The following PPFIA2 variants were observed in gnomAD, a reference collection of about 807,000 sequenced individuals.
PPFIA2 encodes the protein liprin-alpha-2.
PPFIA2 carries 46 observed loss-of-function variants against 175.5 expected under a neutral mutation model. The observed-to-expected ratio is 0.26, with a 90% CI of 0.21 to 0.34. PPFIA2 has a LOEUF of 0.34. PPFIA2 is among the 10% of genes least tolerant of loss of function. PPFIA2 has a pLI of 1.00. For missense variants in PPFIA2, 1,179 were observed against 1,506.1 expected (o/e 0.78, Z 3.60); for synonymous variants, 568 against 511.4 (o/e 1.11, Z -1.49).
chr12:81,284,675 A>G (rs1219962663), intron 24 of PPFIA2, among the ~76,000 whole-genome samples: 1 of 152,106 alleles, frequency 6.6e-6, no homozygotes, highest in Non-Finnish European at 1.5e-5. Context: ...TGTAATTTTA[A>G]TTTTTTACTC....
At chr12:81,435,697 T>C (rs1352184742) in intron 7 of PPFIA2, among the ~76,000 whole-genome samples, 1 of 152,150 alleles carries the variant, frequency 6.6e-6, no homozygotes, top group African/African-American at 2.4e-5. Flanking sequence ...CTTTTCAGAT[T>C]CTACATATGC....
intron 7 of PPFIA2, among the ~76,000 whole-genome samples, chr12:81,411,615 T>C (rs748659556): frequency 6.6e-5 from 10 of 152,064 alleles, no homozygotes; most frequent in Non-Finnish European, 1.2e-4. Context: ...AACACTACTA[T>C]GTCTTGCAAC....
At chr12:81,359,080 AAC>A (rs1306649161) in intron 15 of PPFIA2, among the ~76,000 whole-genome samples, 2 of 152,092 alleles carry the variant, frequency 1.3e-5, no homozygotes, top group South Asian at 2.1e-4. Flanking sequence ...TGATGATAAT[AAC>A]AGTGACATAA....
At chr12:81,289,854 C>T (rs557270271) in intron 24 of PPFIA2, among the ~76,000 whole-genome samples, 1 of 151,854 alleles carries the variant, frequency 6.6e-6, no homozygotes, top group Admixed American at 6.6e-5. Context: ...CCTTCTTCAA[C>T]CAAATTTCAA....
intron 4 of PPFIA2, among the ~76,000 whole-genome samples, chr12:81,620,180 A>G (rs1319943335): frequency 5.3e-5 from 8 of 150,724 alleles, no homozygotes; most frequent in African/African-American, 9.7e-5. Flanking sequence ...AAAAAAAAAA[A>G]AAGAAGAAAG....
intron 4 of PPFIA2, among the ~76,000 whole-genome samples, chr12:81,640,114 G>A (rs1310276278): frequency 6.6e-6 from 1 of 151,850 alleles, no homozygotes; most frequent in East Asian, 2.0e-4. Flanking sequence ...ACATAAACAT[G>A]TGTGTATATG....
intron 7 of PPFIA2, among the ~76,000 whole-genome samples, chr12:81,425,876 C>T (rs770574355): frequency 6.6e-6 from 1 of 152,120 alleles, no homozygotes. Context: ...TATGAGAGAT[C>T]TATCAGCACT....
chr12:81,702,796 T>C (rs952905027), intron 3 of PPFIA2, among the ~76,000 whole-genome samples: 3 of 152,150 alleles, frequency 2.0e-5, no homozygotes, highest in Admixed American at 2.0e-4. Context: ...TAGGTTTAGA[T>C]ATGATTATGA....
At chr12:81,693,502 C>T (rs1289433700) in intron 3 of PPFIA2, among the ~76,000 whole-genome samples, 3 of 152,092 alleles carry the variant, frequency 2.0e-5, no homozygotes, top group Non-Finnish European at 2.9e-5. Context: ...AAGCAGATGC[C>T]CACACCATGC....
intron 6 of PPFIA2, among the ~76,000 whole-genome samples, chr12:81,443,845 CTTTTTTTT>C (rs1183160145): frequency 2.8e-5 from 2 of 71,162 alleles, no homozygotes; most frequent in East Asian, 3.7e-4. Context: ...GCCAACCTTT[CTTTTTTTT>C]TTTTTTTTTT....
chr12:81,419,741 C>T (rs558639692), intron 7 of PPFIA2, among the ~76,000 whole-genome samples: 1 of 152,186 alleles, frequency 6.6e-6, no homozygotes, highest in Non-Finnish European at 1.5e-5. Context: ...AGAGTATATA[C>T]ATGACTTCTG....
At chr12:81,728,989 C>T (rs2080463725) in intron 3 of PPFIA2, among the ~76,000 whole-genome samples, 1 of 151,306 alleles carries the variant, frequency 6.6e-6, no homozygotes, top group Admixed American at 6.6e-5. Context: ...CATATTTATA[C>T]CAAAAGAACG....
At chr12:81,293,509 C>T (rs910121763) in intron 24 of PPFIA2, among the ~76,000 whole-genome samples, 1 of 151,848 alleles carries the variant, frequency 6.6e-6, no homozygotes, top group African/African-American at 2.4e-5. Flanking sequence ...TACAAAAGAA[C>T]ACATACAAGT....
chr12:81,321,379 TA>T (rs1345183789), intron 22 of PPFIA2, among the ~76,000 whole-genome samples: 10 of 152,116 alleles, frequency 6.6e-5, no homozygotes, highest in Non-Finnish European at 1.3e-4. Context: ...ATAATAAAAA[TA>T]TAATTAACAC....
intron 3 of PPFIA2, among the ~76,000 whole-genome samples, chr12:81,734,724 G>A (rs1053749455): frequency 6.6e-6 from 1 of 151,702 alleles, no homozygotes; most frequent in Non-Finnish European, 1.5e-5. Flanking sequence ...TTTGTGTTTA[G>A]TGTAGAATGC....
At chr12:81,687,766 A>G (rs925206966) in intron 3 of PPFIA2, among the ~76,000 whole-genome samples, 4 of 151,858 alleles carry the variant, frequency 2.6e-5, no homozygotes, top group Non-Finnish European at 5.9e-5. Context: ...ATTTATTATA[A>G]TAATTAATAT....
chr12:81,286,582 C>T (rs1297021602), intron 24 of PPFIA2, among the ~76,000 whole-genome samples: 1 of 151,912 alleles, frequency 6.6e-6, no homozygotes, highest in Non-Finnish European at 1.5e-5. Flanking sequence ...TAGTCTATAC[C>T]ATTTAGGTTT....
At chr12:81,506,695 G>C (rs868820837) in intron 4 of PPFIA2, among the ~76,000 whole-genome samples, 4 of 152,122 alleles carry the variant, frequency 2.6e-5, no homozygotes, top group African/African-American at 9.7e-5. Context: ...GTCTAAAGTA[G>C]GCAAATTATC....
chr12:81,687,136 T>A (rs1273266298), intron 3 of PPFIA2, among the ~76,000 whole-genome samples: 1 of 152,038 alleles, frequency 6.6e-6, no homozygotes, highest in African/African-American at 2.4e-5. Context: ...GAGTGATGTA[T>A]TTTAAATGCA....
Sources: allele counts gnomAD v4.1 joint callset (sites outside exome capture counted in the v4.1 genomes callset), GRCh38; gene constraint gnomAD v4.1.1; transcripts MANE v1.5; gene names NCBI Gene and HGNC (gene_info 2026-07-23, HGNC 2026-07-21).